PCNX2: variants seen among roughly 807,000 people sequenced by gnomAD.
The protein encoded by PCNX2 is pecanex 2, also known as pecanex-like protein 2.
A neutral mutation model predicts 223.8 loss-of-function variants in PCNX2; 168 were observed. The ratio of observed to expected loss-of-function variants is 0.75; its 90% CI spans 0.66 to 0.85. The LOEUF is 0.85. PCNX2 is among the 40% of genes least tolerant of loss of function. The pLI, the probability that PCNX2 is intolerant of heterozygous loss-of-function variation, is 0.00. For synonymous variants in PCNX2, 1,006 were observed against 1,052.6 expected (o/e 0.96, Z 0.86); for missense variants, 2,507 against 2,675.5 (o/e 0.94, Z 1.39).
intron 15 of PCNX2, among the ~76,000 whole-genome samples, chr1:233,188,645 C>T (rs1036545209): frequency 2.0e-5 from 3 of 152,060 alleles, no homozygotes; most frequent in Non-Finnish European, 4.4e-5. Context: ...GCCTCAACCT[C>T]CCAAGTAGCT....
At chr1:233,125,547 T>C (rs941817) in intron 21 of PCNX2, among the ~76,000 whole-genome samples, 28,458 of 152,054 alleles carry the variant, frequency 0.19, 2,791 homozygotes, top group East Asian at 0.26. Context: ...CTTCTAGTCC[T>C]GGTGGTTTGG....
chr1:233,304,686 C>A, the PCNX2 span, among the ~76,000 whole-genome samples: 1 of 152,128 alleles, frequency 6.6e-6, no homozygotes, highest in African/African-American at 2.4e-5. Context: ...ATTTGTAGCA[C>A]TAGGTGGCAC....
At chr1:233,202,796 G>C (rs1681199844) in intron 13 of PCNX2, among the ~76,000 whole-genome samples, 1 of 152,054 alleles carries the variant, frequency 6.6e-6, no homozygotes, top group Non-Finnish European at 1.5e-5. Context: ...AAAACTCCCA[G>C]GTCTGAAAAA....
intron 25 of PCNX2, among the ~76,000 whole-genome samples, chr1:233,050,514 G>A (rs772455644): frequency 8.6e-5 from 13 of 151,902 alleles, no homozygotes; most frequent in African/African-American, 1.5e-4. Flanking sequence ...TAGCAAACCC[G>A]GAAATAAAAA....
At chr1:233,201,075 C>A (rs556107965) in intron 13 of PCNX2, among the ~76,000 whole-genome samples, 1 of 131,206 alleles carries the variant, frequency 7.6e-6, no homozygotes, top group South Asian at 2.5e-4. Flanking sequence ...AATGAACCTG[C>A]ATGTTCTGCA....
At chr1:233,026,154 T>C (rs1258002618) in intron 25 of PCNX2, among the ~76,000 whole-genome samples, 1 of 152,178 alleles carries the variant, frequency 6.6e-6, no homozygotes, top group East Asian at 1.9e-4. Context: ...ATAGCTATTT[T>C]AAATAGGGGA....
intron 12 of PCNX2, among the ~76,000 whole-genome samples, chr1:233,214,921 G>C (rs1682033042): frequency 6.6e-6 from 1 of 152,138 alleles, no homozygotes; most frequent in South Asian, 2.1e-4. Flanking sequence ...GCTATCTTCT[G>C]ATTTTAACAA....
At chr1:233,052,766 G>A (rs1028205923) in intron 25 of PCNX2, among the ~76,000 whole-genome samples, 1 of 152,162 alleles carries the variant, frequency 6.6e-6, no homozygotes, top group Non-Finnish European at 1.5e-5. Context: ...CTAAGAGACT[G>A]TATGTACTAG....
intron 19 of PCNX2, among the ~76,000 whole-genome samples, chr1:233,147,757 C>T (rs1354963381): frequency 6.6e-6 from 1 of 150,930 alleles, no homozygotes; most frequent in East Asian, 2.0e-4. Context: ...ATTTTGTTGG[C>T]AGGCCCTGCA....
chr1:233,075,372 C>T (rs559232692), intron 23 of PCNX2, among the ~76,000 whole-genome samples: 1 of 151,800 alleles, frequency 6.6e-6, no homozygotes, highest in Non-Finnish European at 1.5e-5. Flanking sequence ...CTTGGAATGA[C>T]AAAATTATAA....
intron 15 of PCNX2, among the ~76,000 whole-genome samples, chr1:233,181,724 C>T (rs2477870): frequency 0.86 from 130,300 of 152,194 alleles, 56,348 homozygotes; most frequent in East Asian, 1. Context: ...TGCTTCCTGA[C>T]TCCTAGATGA....
chr1:233,261,545 G>A (rs1660040886), intron 3 of PCNX2, among the ~76,000 whole-genome samples: 1 of 152,122 alleles, frequency 6.6e-6, no homozygotes, highest in Non-Finnish European at 1.5e-5. Flanking sequence ...GTGACAAAGG[G>A]AGATTTGCTA....
At chr1:233,071,635 C>T (rs935694649) in intron 23 of PCNX2, among the ~76,000 whole-genome samples, 2 of 152,050 alleles carry the variant, frequency 1.3e-5, no homozygotes, top group Non-Finnish European at 1.5e-5. Context: ...TAGGACAGAG[C>T]GATTTATATT....
At chr1:233,019,559 C>T (rs990235433) in intron 26 of PCNX2, among the ~76,000 whole-genome samples, 7 of 152,098 alleles carry the variant, frequency 4.6e-5, no homozygotes, top group African/African-American at 1.7e-4. Context: ...AGCACATGGC[C>T]TGGCCCGTTG....
chr1:233,088,282 C>T (rs1673700922), intron 23 of PCNX2, among the ~76,000 whole-genome samples: 1 of 152,130 alleles, frequency 6.6e-6, no homozygotes, highest in Non-Finnish European at 1.5e-5. Context: ...AAGACGGATT[C>T]CCTATCTGAG....
intron 33 of PCNX2, chr1:232,985,704 G>GC (rs2102772180): frequency 2.0e-6 from 1 of 492,510 alleles, no homozygotes; most frequent in Non-Finnish European, 3.6e-6. Context: ...TCTAACTCCA[G>GC]CATTGACAGG....
At chr1:233,084,743 TA>T (rs1673518786) in intron 23 of PCNX2, among the ~76,000 whole-genome samples, 1 of 152,240 alleles carries the variant, frequency 6.6e-6, no homozygotes, top group South Asian at 2.1e-4. Flanking sequence ...AGTGACTGTT[TA>T]TATACAAAGA....
rs148292375 is a variant in PCNX2, at chr1:233,060,985, G to A, written c.4077-3695C>T. Among the ~76,000 whole-genome samples the A allele has an allele frequency of 6.0e-3, 912 of 152,274 alleles. 1 individual carries two copies. The highest frequency in any genetic ancestry group is 0.031 in the Middle Eastern group (9 of 294). On this transcript the variant is annotated intron_variant, in intron 23 of 33. Coordinates refer to ENST00000258229, the MANE Select transcript of PCNX2 (RefSeq NM_014801.4). ...CCCATGGCCAGTCTCTCTAAGTCAA[G>A]CACCTTCTCTCTCAGTTTCATCTGA...
At chr1:233,296,017 C>T (rs866606728), upstream of PCNX2, among the ~76,000 whole-genome samples, 65 of 120,502 alleles carry the variant, frequency 5.4e-4, no homozygotes, top group Middle Eastern at 4.5e-3. Flanking sequence ...TTTTTTTTGC[C>T]TCTCCCCTCT....
Sources: gnomAD v4.1 joint callset for allele counts (sites outside exome capture counted in the v4.1 genomes callset) on GRCh38, gnomAD v4.1.1 for gene constraint, MANE v1.5 for transcripts, NCBI Gene and HGNC (gene_info 2026-07-23, HGNC 2026-07-21) for gene names.